The following NOL4 variants were observed in gnomAD, a reference collection of about 807,000 sequenced individuals.
NOL4 encodes the protein nucleolar protein 4, also known as cancer/testis antigen 125.
A neutral mutation model predicts 75.9 loss-of-function variants in NOL4; 17 were observed. The observed-to-expected ratio is 0.22, with a 90% CI of 0.15 to 0.34. NOL4 has a LOEUF of 0.34. Among genes scored for constraint, NOL4 ranks in the 10% least tolerant of loss-of-function variants. NOL4 has a pLI of 1.00. For synonymous variants in NOL4, 292 were observed against 289.9 expected, an observed-to-expected ratio of 1.01 and a Z score of -0.07; for missense variants, 614 against 793.5, an observed-to-expected ratio of 0.77 and a Z score of 2.72.
chr18:33,861,473 T>G lies in NOL4; in HGVS notation c.1724-8438A>C, dbSNP rs186574886. Among the ~76,000 whole-genome samples the G allele has an allele frequency of 5.5e-3, 845 of 152,300 alleles. 13 individuals carry two copies. Among genetic ancestry groups the G allele is most frequent in the African/African-American group, 0.019 (795 of 41,558 alleles). ...GTAGTTTGTATTTCTGTGGGATTGG[T>G]GGTGATATCCCCTTTATCATTTTTT... is the stretch of plus-strand genomic sequence containing the variant. On this transcript the variant is annotated intron_variant, in intron 10 of 10. Transcript: ENST00000261592.
At chr18:33,865,164 T>C (rs976963475) in intron 10 of NOL4, among the ~76,000 whole-genome samples, 14 of 152,150 alleles carry the variant, frequency 9.2e-5, no homozygotes, top group African/African-American at 3.4e-4. Context: ...TAAGCTTTCA[T>C]ATTAAAGCCA....
intron 2 of NOL4, among the ~76,000 whole-genome samples, chr18:34,105,792 CACTG>C (rs1313726169): frequency 1.3e-5 from 2 of 152,016 alleles, no homozygotes; most frequent in African/African-American, 4.8e-5. Context: ...TAATAGCTCA[CACTG>C]ACTGTCAGAG....
At chr18:34,165,033 T>C (rs1487624136) in intron 1 of NOL4, among the ~76,000 whole-genome samples, 3 of 146,816 alleles carry the variant, frequency 2.0e-5, no homozygotes, top group Non-Finnish European at 3.0e-5. Flanking sequence ...TAGGTGGGAA[T>C]TGAACAATGA....
intron 1 of NOL4, among the ~76,000 whole-genome samples, chr18:34,194,469 C>A (rs189020388): frequency 5.5e-4 from 61 of 111,580 alleles, no homozygotes; most frequent in Non-Finnish European, 8.5e-4. Context: ...GGCAGGCAGG[C>A]AGGCAGGCAG....
At position 33,880,585 on chromosome 18, in the gene NOL4, A is replaced by G. The variant is rs141854231; in HGVS notation, c.1723+2659T>C. Among the ~76,000 whole-genome samples, 1,115 of 152,132 alleles carry G rather than the reference A, an allele frequency of 7.3e-3. 9 individuals are homozygous for G. The highest frequency in any genetic ancestry group is 0.025 in the African/African-American group (1,019 of 41,542). ...TACAACACTGCTGACCGAGCATGCC[A>G]TTGACATTGACAAACTATCTTCTGG... On this transcript the variant is annotated intron_variant, in intron 10 of 10. Coordinates refer to ENST00000261592, the MANE Select transcript of NOL4 (RefSeq NM_003787.5).
intron 1 of NOL4, among the ~76,000 whole-genome samples, chr18:34,170,847 A>G (rs2032963304): frequency 6.6e-6 from 1 of 152,148 alleles, no homozygotes; most frequent in Non-Finnish European, 1.5e-5. Flanking sequence ...GCTTATTACA[A>G]TTTCCCCTAT....
chr18:33,950,337 G>A (rs1185637598), intron 8 of NOL4, among the ~76,000 whole-genome samples: 1 of 151,722 alleles, frequency 6.6e-6, no homozygotes, highest in Non-Finnish European at 1.5e-5. Flanking sequence ...TATATTTTCA[G>A]TTAGTAGTAG....
intron 6 of NOL4, among the ~76,000 whole-genome samples, chr18:33,975,274 A>G (rs2071401908): frequency 6.6e-6 from 1 of 152,240 alleles, no homozygotes; most frequent in Non-Finnish European, 1.5e-5. Context: ...TTAACTGTAC[A>G]CTTAAAAATA....
intron 1 of NOL4, among the ~76,000 whole-genome samples, chr18:34,191,493 T>G (rs1046689918): frequency 6.6e-6 from 1 of 152,140 alleles, no homozygotes; most frequent in Admixed American, 6.6e-5. Context: ...GAAGGTATCA[T>G]CATGACCCAT....
chr18:33,864,604 C>G (rs1212673358), intron 10 of NOL4, among the ~76,000 whole-genome samples: 1 of 152,136 alleles, frequency 6.6e-6, no homozygotes, highest in Non-Finnish European at 1.5e-5. Flanking sequence ...TTCCTCTGAG[C>G]CCTCCAAACT....
chr18:34,223,260 C>G lies in NOL4; in HGVS notation c.-7G>C. ...TGTCGCGCTCGCTCTCCATGTTCCC[C>G]GCGCTCGGCCGCTGGCCGGATGCTC... is the stretch of plus-strand genomic sequence containing the variant. On this transcript the variant is annotated 5_prime_UTR_variant, in exon 1 of 11. Transcript: ENST00000261592. 3 of 1,612,162 alleles carry G rather than the reference C, an allele frequency of 1.9e-6. No individual in the cohort carries two copies. Among genetic ancestry groups the G allele is most frequent in the Non-Finnish European group, 2.5e-6 (3 of 1,179,426 alleles).
At chr18:33,928,122 G>T (rs1174555532) in intron 9 of NOL4, among the ~76,000 whole-genome samples, 1 of 152,100 alleles carries the variant, frequency 6.6e-6, no homozygotes, top group Non-Finnish European at 1.5e-5. Flanking sequence ...AAATATGTCA[G>T]GTCTTCGTTT....
intron 5 of NOL4, among the ~76,000 whole-genome samples, chr18:34,021,303 C>A (rs1044128447): frequency 1.3e-5 from 2 of 152,122 alleles, no homozygotes. Context: ...GAGTTGAATT[C>A]TCAAAGGTGA....
At position 34,197,035 on chromosome 18, in the gene NOL4, G is replaced by A. The variant is rs183625349; in HGVS notation, c.264+25955C>T. ...TTTTAGGAGTAGAAAATATAATGAT[G>A]AATTTATGAAGATCCATTACTCTCA... On this transcript the variant is annotated intron_variant, in intron 1 of 10. Coordinates refer to ENST00000261592, the MANE Select transcript of NOL4 (RefSeq NM_003787.5). Among the ~76,000 whole-genome samples the A allele has an allele frequency of 2.8e-4, 42 of 151,966 alleles. No individual in the cohort carries two copies. In the East Asian group the frequency reaches 7.5e-3, roughly 27 times the overall value.
chr18:34,000,947 A>G (rs1439367472), intron 6 of NOL4, among the ~76,000 whole-genome samples: 1 of 152,174 alleles, frequency 6.6e-6, no homozygotes, highest in Non-Finnish European at 1.5e-5. Context: ...TATTTTCTAA[A>G]GGAATTATAA....
intron 6 of NOL4, among the ~76,000 whole-genome samples, chr18:34,006,069 ATTCAGTAAC>A (rs2074011211): frequency 6.6e-6 from 1 of 151,956 alleles, no homozygotes; most frequent in Non-Finnish European, 1.5e-5. Flanking sequence ...ATTTTAGTTA[ATTCAGTAAC>A]TGGTATTTCT....
chr18:34,102,685 C>G (rs2079095168), intron 4 of NOL4, among the ~76,000 whole-genome samples: 1 of 152,014 alleles, frequency 6.6e-6, no homozygotes, highest in South Asian at 2.1e-4. Flanking sequence ...ACATTTTGGC[C>G]TAGTAATAAA....
chr18:34,082,442 G>A (rs754229883), intron 5 of NOL4, among the ~76,000 whole-genome samples: 3 of 152,086 alleles, frequency 2.0e-5, no homozygotes, highest in Non-Finnish European at 4.4e-5. Context: ...ACAGCGCCTA[G>A]CGTTCAGTAA....
intron 9 of NOL4, among the ~76,000 whole-genome samples, chr18:33,920,918 G>A (rs571947996): frequency 9.8e-5 from 15 of 152,296 alleles, no homozygotes; most frequent in South Asian, 4.1e-4. Context: ...CGAAGAGGTC[G>A]CGGCCACTGC....
Sources: gnomAD v4.1 joint callset for allele counts (sites outside exome capture counted in the v4.1 genomes callset) on GRCh38, gnomAD v4.1.1 for gene constraint, MANE v1.5 for transcripts, NCBI Gene and HGNC (gene_info 2026-07-23, HGNC 2026-07-21) for gene names.